The following B3GALT1 variants were observed in gnomAD, a reference collection of about 807,000 sequenced individuals.
B3GALT1 encodes the protein UDP-Gal:betaGlcNAc beta 1,3-galactosyltransferase, polypeptide 1.
In B3GALT1, 10 loss-of-function variants were observed where a neutral mutation model predicts 23.2. The observed-to-expected ratio is 0.43, with a 90% CI of 0.27 to 0.73. The LOEUF is 0.73. Ranked by LOEUF, B3GALT1 falls within the 30% of genes least tolerant of loss-of-function variation. B3GALT1 has a pLI of 0.21. For synonymous variants in B3GALT1, 156 were observed against 141.5 expected (o/e 1.10, Z -0.73); for missense variants, 299 against 405.4 (o/e 0.74, Z 2.25).
chr2:167,693,476 A>G (rs977442666), intron 3 of B3GALT1, among the ~76,000 whole-genome samples: 1 of 152,054 alleles, frequency 6.6e-6, no homozygotes, highest in African/African-American at 2.4e-5. Flanking sequence ...GCTTCATCCA[A>G]CCTCATGAGA....
At chr2:167,506,458 T>A (rs1372456729) in intron 2 of B3GALT1, among the ~76,000 whole-genome samples, 1 of 152,126 alleles carries the variant, frequency 6.6e-6, no homozygotes, top group Non-Finnish European at 1.5e-5. Context: ...TTATGGCAAA[T>A]AAAGTGAATG....
chr2:167,797,700 A>ATTTTG (rs200510712), intron 3 of B3GALT1, among the ~76,000 whole-genome samples: 3 of 150,666 alleles, frequency 2.0e-5, no homozygotes, highest in Non-Finnish European at 4.4e-5. Flanking sequence ...CTCATTGTGG[A>ATTTTG]TTTTGTTTTG....
intron 3 of B3GALT1, among the ~76,000 whole-genome samples, chr2:167,806,856 T>G (rs1482471508): frequency 6.6e-6 from 1 of 152,216 alleles, no homozygotes; most frequent in African/African-American, 2.4e-5. Flanking sequence ...GATTCCCTCT[T>G]TTTCTATTGA....
At chr2:167,710,891 T>A (rs1393205453) in intron 3 of B3GALT1, among the ~76,000 whole-genome samples, 1 of 152,176 alleles carries the variant, frequency 6.6e-6, no homozygotes, top group East Asian at 1.9e-4. Flanking sequence ...GTCTCTTTGC[T>A]TTTATCTTGT....
At chr2:167,754,384 G>A (rs573994477) in intron 3 of B3GALT1, among the ~76,000 whole-genome samples, 64 of 152,116 alleles carry the variant, frequency 4.2e-4, no homozygotes, top group South Asian at 1.2e-3. Context: ...TCCCACTACC[G>A]TATCCTCTAG....
chr2:167,699,935 A>G (rs938232076), intron 3 of B3GALT1, among the ~76,000 whole-genome samples: 2 of 151,796 alleles, frequency 1.3e-5, no homozygotes, highest in African/African-American at 4.8e-5. Context: ...CTGGTCTTGA[A>G]CTCCTGACCT....
chr2:167,520,847 G>T (rs1395366987), intron 2 of B3GALT1, among the ~76,000 whole-genome samples: 2 of 152,242 alleles, frequency 1.3e-5, no homozygotes, highest in East Asian at 3.8e-4. Flanking sequence ...CACCCATCAA[G>T]TGGAAAGTTG....
intron 1 of B3GALT1, among the ~76,000 whole-genome samples, chr2:167,344,565 A>G (rs534245615): frequency 6.6e-6 from 1 of 152,282 alleles, no homozygotes; most frequent in East Asian, 1.9e-4. Flanking sequence ...GTAGAAAAAA[A>G]GAGAGATTGT....
At chr2:167,542,195 AGAAAG>A (rs1240109030) in intron 2 of B3GALT1, among the ~76,000 whole-genome samples, 1 of 152,140 alleles carries the variant, frequency 6.6e-6, no homozygotes, top group Non-Finnish European at 1.5e-5. Context: ...TCTGCCTGAT[AGAAAG>A]GAAAGGACCT....
At chr2:167,339,018 G>A (rs1377372630) in intron 1 of B3GALT1, among the ~76,000 whole-genome samples, 3 of 152,098 alleles carry the variant, frequency 2.0e-5, no homozygotes, top group African/African-American at 7.2e-5. Flanking sequence ...AAATGTGGAT[G>A]ACATTTAAAT....
intron 1 of B3GALT1, among the ~76,000 whole-genome samples, chr2:167,366,198 G>A (rs1016725019): frequency 6.6e-6 from 1 of 152,138 alleles, no homozygotes; most frequent in Non-Finnish European, 1.5e-5. Context: ...TTAATTGGTG[G>A]TGACTGTGGC....
At chr2:167,457,696 C>A (rs1247116731) in intron 1 of B3GALT1, among the ~76,000 whole-genome samples, 1 of 152,118 alleles carries the variant, frequency 6.6e-6, no homozygotes, top group Non-Finnish European at 1.5e-5. Context: ...GTGGTGTAGG[C>A]TGCTCATCTT....
intron 2 of B3GALT1, among the ~76,000 whole-genome samples, chr2:167,550,864 C>T (rs1030508513): frequency 3.3e-5 from 5 of 152,134 alleles, no homozygotes; most frequent in Admixed American, 1.3e-4. Context: ...CTGTAAAAAC[C>T]ACCAATTTCA....
At chr2:167,700,767 G>A (rs1452510647) in intron 3 of B3GALT1, among the ~76,000 whole-genome samples, 6 of 152,150 alleles carry the variant, frequency 3.9e-5, no homozygotes, top group Admixed American at 3.9e-4. Context: ...CTACTATGGC[G>A]AATAGTGTGA....
chr2:167,426,828 G>A (rs543292771), intron 1 of B3GALT1, among the ~76,000 whole-genome samples: 102 of 152,294 alleles, frequency 6.7e-4, no homozygotes, highest in African/African-American at 2.4e-3. Flanking sequence ...AAGTTAAGTT[G>A]AAGATGCACA....
At chr2:167,637,731 A>G (rs1252281353) in intron 2 of B3GALT1, among the ~76,000 whole-genome samples, 4 of 151,844 alleles carry the variant, frequency 2.6e-5, no homozygotes, top group Admixed American at 6.6e-5. Context: ...TTCAGCTTCC[A>G]CATACAAGTG....
rs1399980144 is a variant in B3GALT1, at chr2:167,730,271, A to AT, written c.-352+83312dup. On this transcript the variant is annotated intron_variant, in intron 3 of 4. Coordinates refer to ENST00000392690, the MANE Select transcript of B3GALT1 (RefSeq NM_020981.4). ...TTTTTTCAAGGTTGAATGGCATTTC[A>AT]TTTTTTTGTTTGTTTTAAACTAAAT... Among the ~76,000 whole-genome samples, 4 of 151,992 alleles carry AT rather than the reference A, an allele frequency of 2.6e-5. No homozygotes were observed. The East Asian group carries it at 5.8e-4, about 22-fold the overall frequency.
intron 2 of B3GALT1, among the ~76,000 whole-genome samples, chr2:167,557,684 T>G (rs1683878175): frequency 6.6e-6 from 1 of 152,206 alleles, no homozygotes; most frequent in South Asian, 2.1e-4. Flanking sequence ...ATGTTTTTCT[T>G]GGTAGCTGGT....
At chr2:167,835,446 A>C (rs577542150) in intron 4 of B3GALT1, among the ~76,000 whole-genome samples, 1 of 152,322 alleles carries the variant, frequency 6.6e-6, no homozygotes, top group East Asian at 1.9e-4. Flanking sequence ...CAGCAGTCTG[A>C]GATCAAACTG....
Sources: gnomAD v4.1 joint callset for allele counts (sites outside exome capture counted in the v4.1 genomes callset) on GRCh38, gnomAD v4.1.1 for gene constraint, MANE v1.5 for transcripts, NCBI Gene and HGNC (gene_info 2026-07-23, HGNC 2026-07-21) for gene names.